The following CCDC102A variants were observed in gnomAD, a reference collection of about 807,000 sequenced individuals.
CCDC102A encodes the protein coiled-coil domain containing 102A.
Under a neutral mutation model 55.5 loss-of-function variants are expected in CCDC102A, and 40 were observed. The ratio of observed to expected loss-of-function variants is 0.72; its 90% CI spans 0.56 to 0.94. CCDC102A has a LOEUF of 0.94. Among genes scored for constraint, CCDC102A ranks in the 40% least tolerant of loss-of-function variants. CCDC102A has a pLI of 0.00. For missense variants in CCDC102A, 779 were observed against 768.6 expected (o/e 1.01, Z -0.16); for synonymous variants, 323 against 339.0 (o/e 0.95, Z 0.52).
intron 3 of CCDC102A, among the ~76,000 whole-genome samples, chr16:57,524,756 G>A (rs1215416284): frequency 3.3e-5 from 5 of 151,132 alleles, no homozygotes; most frequent in African/African-American, 1.2e-4. Context: ...TGCTATTGTC[G>A]TATTTAATTT....
chr16:57,524,959 T>C (rs111860970), intron 3 of CCDC102A, among the ~76,000 whole-genome samples: 3 of 152,248 alleles, frequency 2.0e-5, no homozygotes, highest in African/African-American at 7.2e-5. Context: ...CCTTCTCTTG[T>C]CTCCTCTGCT....
intron 1 of CCDC102A, among the ~76,000 whole-genome samples, chr16:57,530,394 C>T (rs59616007): frequency 0.059 from 8,987 of 152,214 alleles, 818 homozygotes; most frequent in African/African-American, 0.2. Flanking sequence ...GGACATCACA[C>T]TTTTCCTTCC....
In CCDC102A at chr16:57,528,829, G is replaced by C. The variant is rs1376593640; in HGVS notation, c.349C>G (p.Arg117Gly). Residue 117 changes from arginine to glycine, a missense_variant, in exon 2 of 9, where the codon CGC (arginine) becomes GGC (glycine). Transcript: ENST00000258214. ...KWSKVRAERN[R>G]AREEVRQLRQ... ...AGCTGGCGCACCTCCTCGCGCGCGCGGTTGCGCTCAGCGCGCACCTTGCTC... is the reference window on the plus strand; with the variant it reads ...AGCTGGCGCACCTCCTCGCGCGCGCCGTTGCGCTCAGCGCGCACCTTGCTC... 7.8e-7 allele frequency: 1 copy of C among 1,283,890 alleles called. No homozygotes were observed. The highest frequency in any genetic ancestry group is 1.6e-5 in the African/African-American group (1 of 62,350). The allele number at this position is 1,283,890 out of a possible 1,614,324, so 79.5% of individuals were successfully genotyped here.
chr16:57,527,982 T>A (rs149540351), intron 2 of CCDC102A, among the ~76,000 whole-genome samples: 1 of 151,926 alleles, frequency 6.6e-6, no homozygotes, highest in East Asian at 1.9e-4. Flanking sequence ...AGAGGTGGAG[T>A]TGTTGCCCAG....
At chr16:57,536,333 G>C (rs2032387704) in intron 1 of CCDC102A, among the ~76,000 whole-genome samples, 167 bp downstream of exon 1, 1 of 152,126 alleles carries the variant, frequency 6.6e-6, no homozygotes, top group South Asian at 2.1e-4. Context: ...GAGGCGTCTA[G>C]AAAGTTCTGC....
chr16:57,519,907 G>A (rs368752111), intron 4 of CCDC102A, among the ~76,000 whole-genome samples: 2 of 152,330 alleles, frequency 1.3e-5, no homozygotes, highest in African/African-American at 4.8e-5. Flanking sequence ...GAAACCCACC[G>A]ATCCAGTGTG....
chr16:57,529,072 C>A lies in CCDC102A; in HGVS notation c.106G>T (p.Asp36Tyr). The A allele has an allele frequency of 8.6e-7, 1 of 1,158,518 alleles. No homozygotes were observed. The highest frequency in any genetic ancestry group is 1.1e-6 in the Non-Finnish European group (1 of 940,930). 71.8% of individuals were successfully genotyped at this position (1,158,518 alleles called of 1,614,324 possible). A position where few individuals can be genotyped will look rare whatever the true frequency, so the allele number is the denominator to read the frequency against. The change falls in exon 2 of 9, where the codon GAC (aspartate) becomes TAC (tyrosine). Residue 36 changes from aspartate to tyrosine, a missense_variant. Asp to Tyr is a radical substitution (Grantham distance 160). Coordinates refer to ENST00000258214, the MANE Select transcript of CCDC102A (RefSeq NM_033212.4). The surrounding 1 kb of genome is among the most constrained non-coding windows in gnomAD (Gnocchi z 4.1). ...CTGGGCGGCGTGGGCGGCAAGGAGT[C>A]GGCAGGCCCCATGCGCTCCGGCGAC... ...SPSPERMGPA[D>Y]SLPPTPPSGT...
chr16:57,533,630 CCAGT>C (rs2032315211), intron 1 of CCDC102A, among the ~76,000 whole-genome samples: 1 of 150,624 alleles, frequency 6.6e-6, no homozygotes. Context: ...ACACACAGCC[CCAGT>C]AACACTCACA....
chr16:57,524,596 TAGAGA>T lies in CCDC102A; in HGVS notation c.812+1300_812+1304del, dbSNP rs1477340038. 2.7e-3 allele frequency among the ~76,000 whole-genome samples: 399 copies of T among 148,754 alleles called. 5 individuals carry two copies. Among genetic ancestry groups the T allele is most frequent in the Middle Eastern group, 0.014 (4 of 294 alleles). The stretch of plus-strand genomic sequence containing the variant: ...TGTCTAAAAAAAATATATATATATA[TAGAGA>T]GAGAGACAGGGTCTTGCTGTATGGC... On this transcript the variant is annotated intron_variant, in intron 3 of 8. Coordinates refer to ENST00000258214, the MANE Select transcript of CCDC102A (RefSeq NM_033212.4).
chr16:57,528,660 C>T lies in CCDC102A; in HGVS notation c.518G>A (p.Gly173Asp). The T allele has an allele frequency of 8.6e-7, 1 of 1,163,842 alleles. No individual in the cohort carries two copies. The highest frequency in any genetic ancestry group is 1.1e-6 in the Non-Finnish European group (1 of 939,878). 72.1% of individuals were successfully genotyped at this position (1,163,842 alleles called of 1,614,324 possible). A position where few individuals can be genotyped will look rare whatever the true frequency, so the allele number is the denominator to read the frequency against. The change falls in exon 2 of 9, where the codon GGC becomes GAC. Residue 173 changes from glycine (G) to aspartate (D), a missense_variant. By Grantham distance (94) the Gly-to-Asp change is moderately conservative (BLOSUM62 -1). Transcript: ENST00000258214. Reference protein sequence around the residue: ...ARGVADQTRDGPEPEAEREPV... With the variant: ...ARGVADQTRDDPEPEAEREPV... Reference sequence around the variant, plus strand: ...CTCGCGCTCCGCTTCCGGCTCGGGGCCGTCGCGCGTCTGGTCGGCGACCCC... The same window carrying T: ...CTCGCGCTCCGCTTCCGGCTCGGGGTCGTCGCGCGTCTGGTCGGCGACCCC...
At chr16:57,513,971 C>T (rs1403700964) in intron 8 of CCDC102A, among the ~76,000 whole-genome samples, 2 of 152,166 alleles carry the variant, frequency 1.3e-5, no homozygotes, top group East Asian at 3.9e-4. Context: ...TTCTGCCTGG[C>T]CACCCACCAA....
chr16:57,527,600 A>T (rs184102025), intron 2 of CCDC102A, among the ~76,000 whole-genome samples: 2 of 152,116 alleles, frequency 1.3e-5, no homozygotes, highest in African/African-American at 4.8e-5. Flanking sequence ...TTGTACTTTT[A>T]GTAGAGATGG....
chr16:57,515,404 G>A lies in CCDC102A; in HGVS notation c.1460C>T (p.Ser487Leu), dbSNP rs1489555402. The change falls in exon 8 of 9, where the codon TCG becomes TTG. Residue 487 changes from serine (S) to leucine (L), a missense_variant. By Grantham distance (145) the Ser-to-Leu change is moderately radical. Transcript: ENST00000258214. ...AHNQARKLQR[S>L]LDEQTEQSEN... The stretch of plus-strand genomic sequence containing the variant: ...GCTCTGCTCCGTCTGCTCGTCCAGC[G>A]ACCGCTGCAGCTTACGTGCCTGGTT... 3.7e-6 allele frequency: 6 copies of A among 1,609,002 alleles called. No individual in the cohort carries two copies. The highest frequency in any genetic ancestry group is 2.7e-5 in the African/African-American group (2 of 74,890).
Position 57,529,313 on chromosome 16 carries a change from G to T in CCDC102A, c.-136C>A, listed in dbSNP as rs2032208847. On this transcript the variant is annotated 5_prime_UTR_variant, in exon 2 of 9. Transcript: ENST00000258214. This position sits in a 1 kb window ranked among gnomAD's most constrained non-coding sequence, Gnocchi z 4.1. ...CCCTCTGGGCCACCGGGCGGAGGAC[G>T]CCTCCTCGGACCTACGGGAGAACAC... 3 of 1,104,516 alleles carry T rather than the reference G, an allele frequency of 2.7e-6. No individual in the cohort carries two copies. The highest frequency in any genetic ancestry group is 9.0e-5 in the South Asian group (2 of 22,188). The allele number at this position is 1,104,516 out of a possible 1,614,324, so 68.4% of individuals were successfully genotyped here. A position where few individuals can be genotyped will look rare whatever the true frequency, so the allele number is the denominator to read the frequency against.
chr16:57,528,344 G>C (rs1395701621), intron 2 of CCDC102A, among the ~76,000 whole-genome samples: 5 of 152,186 alleles, frequency 3.3e-5, no homozygotes, highest in African/African-American at 4.8e-5. Flanking sequence ...GGCTCAAAGG[G>C]GATGATTCCT....
At chr16:57,523,893 A>G (rs1278768454) in intron 3 of CCDC102A, among the ~76,000 whole-genome samples, 1 of 152,150 alleles carries the variant, frequency 6.6e-6, no homozygotes, top group African/African-American at 2.4e-5. Flanking sequence ...TCTCAGAGAG[A>G]GAGGCCAGTG....
chr16:57,518,290 A>G lies in CCDC102A; in HGVS notation c.1039-13T>C. ...GCAGCCGCTCCATCTGCAGCAGGGC[A>G]GGGCAGAGTGAGGACTCCCAGCGGA... On this transcript the variant is annotated splice_polypyrimidine_tract_variant and intron_variant, in intron 5 of 8. Coordinates refer to ENST00000258214, the MANE Select transcript of CCDC102A (RefSeq NM_033212.4). The G allele has an allele frequency of 6.2e-7, 1 of 1,605,278 alleles. No homozygotes were observed. Among genetic ancestry groups the G allele is most frequent in the Non-Finnish European group, 8.5e-7 (1 of 1,179,328 alleles).
intron 1 of CCDC102A, among the ~76,000 whole-genome samples, chr16:57,532,023 T>C (rs2032275663): frequency 6.6e-6 from 1 of 152,206 alleles, no homozygotes; most frequent in Non-Finnish European, 1.5e-5. Flanking sequence ...GCCTTTACCA[T>C]GCATGAGGTC....
chr16:57,533,562 A>C (rs1214548009), intron 1 of CCDC102A, among the ~76,000 whole-genome samples: 6 of 150,586 alleles, frequency 4.0e-5, no homozygotes, highest in African/African-American at 1.5e-4. Context: ...AGGGACCTGC[A>C]CTCACACACA....
Sources: allele counts gnomAD v4.1 joint callset (sites outside exome capture counted in the v4.1 genomes callset), GRCh38; gene constraint gnomAD v4.1.1; non-coding constraint Gnocchi (gnomAD v3.1); transcripts MANE v1.5; gene names NCBI Gene and HGNC (gene_info 2026-07-23, HGNC 2026-07-21).